SYTL2: variants seen among roughly 807,000 people sequenced by gnomAD.
SYTL2 encodes synaptotagmin like 2.
A neutral mutation model predicts 198.7 loss-of-function variants in SYTL2; 165 were observed. That is an observed-to-expected ratio of 0.83 (90% CI 0.73 to 0.94). SYTL2 has a LOEUF of 0.94. SYTL2 is among the 40% of genes least tolerant of loss of function. The pLI is 0.00. For synonymous variants in SYTL2, 966 were observed against 917.7 expected (o/e 1.05, Z -0.95); for missense variants, 2,835 against 2,582.8 (o/e 1.10, Z -2.12).
At chr11:85,716,617 G>A (rs1018642040) in intron 11 of SYTL2, 2 of 151,562 alleles carry the variant, frequency 1.3e-5, no homozygotes, top group African/African-American at 2.4e-5. Context: ...CCTGAGGGTA[G>A]ACATGTGTAT....
intron 12 of SYTL2, among the ~76,000 whole-genome samples, chr11:85,712,749 C>T (rs1415629101): frequency 2.6e-5 from 4 of 152,006 alleles, no homozygotes; most frequent in South Asian, 4.2e-4. Flanking sequence ...TAGAGTCTCA[C>T]TCTATCGCCT....
At chr11:85,702,731 A>C (rs1198585502) in intron 16 of SYTL2, among the ~76,000 whole-genome samples, 1 of 152,204 alleles carries the variant, frequency 6.6e-6, no homozygotes, top group Non-Finnish European at 1.5e-5. Context: ...AATTATTCCT[A>C]GAACGTTCTC....
intron 1 of SYTL2, among the ~76,000 whole-genome samples, chr11:85,800,860 C>T (rs2092876672): frequency 6.6e-6 from 1 of 152,222 alleles, no homozygotes; most frequent in Admixed American, 6.5e-5. Flanking sequence ...AGTTCAAGTG[C>T]AGATGCAGGT....
the SYTL2 span, among the ~76,000 whole-genome samples, chr11:85,816,703 A>G: frequency 6.6e-6 from 1 of 152,174 alleles, no homozygotes; most frequent in African/African-American, 2.4e-5. Flanking sequence ...TGAGCACAGG[A>G]GTTTGAGACC....
At chr11:85,719,139 G>C (rs922666490) in intron 9 of SYTL2, 38 of 1,426,578 alleles carry the variant, frequency 2.7e-5, no homozygotes, top group Admixed American at 6.4e-5. Context: ...GAGAAAGCAC[G>C]GGGCTGCAAC....
the SYTL2 span, chr11:85,854,511 G>T: frequency 2.6e-5 from 4 of 152,184 alleles, no homozygotes; most frequent in South Asian, 8.3e-4. Context: ...AACAAAAAAG[G>T]AAAGCGAGAA....
chr11:85,718,874 A>C (rs777949928), intron 9 of SYTL2, 31 bp from the exon 10 acceptor site: 1 of 1,611,190 alleles, frequency 6.2e-7, no homozygotes, highest in Non-Finnish European at 8.5e-7. Context: ...AATGGTTAAC[A>C]TGGCTGACCC....
chr11:85,812,314 A>G (rs1437693261), upstream of SYTL2, among the ~76,000 whole-genome samples: 1 of 152,094 alleles, frequency 6.6e-6, no homozygotes, highest in African/African-American at 2.4e-5. Flanking sequence ...TCCCAAACTT[A>G]CAAATACTTA....
upstream of SYTL2, among the ~76,000 whole-genome samples, chr11:85,815,762 T>C (rs1423455370): frequency 1.3e-5 from 2 of 152,248 alleles, no homozygotes; most frequent in Admixed American, 1.3e-4. Flanking sequence ...ATTTCATATA[T>C]TCATGAAAAC....
chr11:85,724,578 T>C lies in SYTL2; in HGVS notation c.4780A>G (p.Lys1594Glu). The C allele has an allele frequency of 6.2e-7, 1 of 1,613,194 alleles. No individual in the cohort carries two copies. The highest frequency in any genetic ancestry group is 8.5e-7 in the Non-Finnish European group (1 of 1,179,722). Reference protein sequence around the residue: ...QVSVREETHEKESSQSEQTRF... With the variant: ...QVSVREETHEEESSQSEQTRF... ...GTCTGCTCTGACTGTGAGGACTCCT[T>C]CTCGTGAGTTTCTTCTCTCACTGAC... The change falls in exon 8 of 20, where the codon AAG becomes GAG. Residue 1594 changes from lysine to glutamate, a missense_variant. Around this residue, in one of 3 missense-constraint regions of SYTL2, gnomAD observed 2,645 missense variants for 2,381.7 expected, o/e 1.11. Transcript: ENST00000359152.
intron 11 of SYTL2, 99 bp from the exon 12 acceptor site, chr11:85,714,606 C>T (rs1390290551): frequency 1.3e-5 from 20 of 1,486,140 alleles, no homozygotes; most frequent in Non-Finnish European, 1.6e-5. Context: ...TATGAACAAA[C>T]ATGTTTTTGT....
chr11:85,741,878 C>CAATG (rs1354597033), intron 4 of SYTL2, among the ~76,000 whole-genome samples: 10 of 152,248 alleles, frequency 6.6e-5, no homozygotes, highest in African/African-American at 2.4e-4. Flanking sequence ...AAGGCACAGG[C>CAATG]AATGAAGCAC....
intron 1 of SYTL2, among the ~76,000 whole-genome samples, chr11:85,793,367 C>T (rs1265102392): frequency 2.6e-5 from 4 of 152,204 alleles, no homozygotes; most frequent in Non-Finnish European, 5.9e-5. Context: ...ATTTGCATTT[C>T]TCTGACAGCC....
At chr11:85,743,161 G>A (rs527847818) in intron 4 of SYTL2, among the ~76,000 whole-genome samples, 1 of 152,280 alleles carries the variant, frequency 6.6e-6, no homozygotes, top group Non-Finnish European at 1.5e-5. Flanking sequence ...ATACTGACAG[G>A]TATTGAGTCA....
At chr11:85,730,199 T>C (rs1366160172) in intron 7 of SYTL2, among the ~76,000 whole-genome samples, 1 of 152,146 alleles carries the variant, frequency 6.6e-6, no homozygotes, top group Non-Finnish European at 1.5e-5. Flanking sequence ...TCTGAAACTA[T>C]CCCAAACAAC....
At chr11:85,844,239 T>G in the SYTL2 span, among the ~76,000 whole-genome samples, 1 of 152,192 alleles carries the variant, frequency 6.6e-6, no homozygotes, top group Non-Finnish European at 1.5e-5. Context: ...AATAAGAAAG[T>G]GGTCTTCTGG....
intron 1 of SYTL2, among the ~76,000 whole-genome samples, chr11:85,808,124 T>G (rs1223520982): frequency 6.6e-6 from 1 of 152,182 alleles, no homozygotes; most frequent in Non-Finnish European, 1.5e-5. Flanking sequence ...TGGAGTACAG[T>G]GGCATGATCT....
intron 1 of SYTL2, among the ~76,000 whole-genome samples, chr11:85,794,681 G>C (rs968636471): frequency 7.2e-5 from 11 of 152,178 alleles, no homozygotes; most frequent in Admixed American, 4.6e-4. Context: ...TCTGCTATTT[G>C]TCTGGTATTT....
chr11:85,797,009 C>T (rs533554699), intron 1 of SYTL2, among the ~76,000 whole-genome samples: 2 of 152,126 alleles, frequency 1.3e-5, no homozygotes, highest in South Asian at 2.1e-4. Flanking sequence ...GGCAACATAG[C>T]AATACCCCAT....
Sources: gnomAD v4.1 joint callset for allele counts (sites outside exome capture counted in the v4.1 genomes callset) on GRCh38, gnomAD v4.1.1 for gene constraint, gnomAD v4.1.1 regional missense constraint, MANE v1.5 for transcripts, NCBI Gene and HGNC (gene_info 2026-07-23, HGNC 2026-07-21) for gene names.